The following C4orf36 variants were observed in gnomAD, a reference collection of about 807,000 sequenced individuals.
The protein encoded by C4orf36 is uncharacterized protein C4orf36.
C4orf36 carries 11 observed loss-of-function variants against 12.2 expected under a neutral mutation model. The observed-to-expected ratio is 0.90, with a 90% confidence interval of 0.57 to 1.49. The LOEUF (loss-of-function observed/expected upper bound fraction) is 1.49. Among genes scored for constraint, C4orf36 ranks in the 40% most tolerant of loss-of-function variants. The pLI is 0.00. For missense variants in C4orf36, 137 were observed against 133.9 expected, an observed-to-expected ratio of 1.02 and a Z score of -0.11; for synonymous variants, 54 against 51.3, an observed-to-expected ratio of 1.05 and a Z score of -0.22.
At chr4:86,892,470 C>T (rs553552345), upstream of C4orf36, 1 of 985,094 alleles carries the variant, frequency 1.0e-6, no homozygotes, top group East Asian at 1.1e-4. Context: ...CTTTGTGGGG[C>T]CCTCCCCACC....
the C4orf36 span, among the ~76,000 whole-genome samples, chr4:86,908,006 T>A: frequency 6.6e-6 from 1 of 151,398 alleles, no homozygotes; most frequent in Non-Finnish European, 1.5e-5. Context: ...CATCAAATAA[T>A]TTGTATAAAG....
At chr4:86,914,016 G>A in the C4orf36 span, 1 of 1,605,786 alleles carries the variant, frequency 6.2e-7, no homozygotes, top group Non-Finnish European at 8.5e-7. Flanking sequence ...ACATGATCCT[G>A]CTGCCAGCAA....
intron 4 of C4orf36, among the ~76,000 whole-genome samples, chr4:86,877,947 GAGTGAGTATA>G (rs1746966198): frequency 1.3e-5 from 2 of 152,218 alleles, no homozygotes; most frequent in African/African-American, 4.8e-5. Context: ...TGTGGAAAGT[GAGTGAGTATA>G]AGTGAGATAA....
chr4:86,913,752 C>T, the C4orf36 span: 1 of 1,501,906 alleles, frequency 6.7e-7, no homozygotes, highest in South Asian at 1.1e-5. Flanking sequence ...AGTGCCACTG[C>T]CACCTAACTC....
chr4:86,893,892 A>G (rs1050753229), upstream of C4orf36, among the ~76,000 whole-genome samples: 3 of 150,080 alleles, frequency 2.0e-5, no homozygotes, highest in Admixed American at 6.7e-5. Flanking sequence ...TTATTTATTT[A>G]TTTATTTATT....
chr4:86,876,854 T>C (rs1040692308), intron 4 of C4orf36, among the ~76,000 whole-genome samples: 1 of 152,242 alleles, frequency 6.6e-6, no homozygotes, highest in East Asian at 1.9e-4. Context: ...AACCCAGATC[T>C]ACTAAAACCT....
At chr4:86,932,558 T>A in the C4orf36 span, among the ~76,000 whole-genome samples, 1 of 152,016 alleles carries the variant, frequency 6.6e-6, no homozygotes, top group African/African-American at 2.4e-5. Context: ...CCTGCCTCTA[T>A]CTTAATGTTG....
chr4:86,895,635 G>A (rs1441162990), upstream of C4orf36, among the ~76,000 whole-genome samples: 1 of 152,182 alleles, frequency 6.6e-6, no homozygotes, highest in African/African-American at 2.4e-5. Flanking sequence ...TTTCTAGAAG[G>A]TGGATGTCCA....
the C4orf36 span, among the ~76,000 whole-genome samples, chr4:86,900,281 C>T: frequency 1.3e-5 from 2 of 152,166 alleles, no homozygotes; most frequent in African/African-American, 2.4e-5. Context: ...GATCCACCCA[C>T]CTCAGCCTCC....
chr4:86,878,314 G>A (rs769125678), intron 4 of C4orf36, among the ~76,000 whole-genome samples: 2 of 152,076 alleles, frequency 1.3e-5, no homozygotes, highest in Admixed American at 6.5e-5. Context: ...CTACTGACTC[G>A]ATATTGGAAT....
At chr4:86,917,900 G>C in the C4orf36 span, among the ~76,000 whole-genome samples, 1 of 152,280 alleles carries the variant, frequency 6.6e-6, no homozygotes, top group East Asian at 1.9e-4. Flanking sequence ...ACATAGAAAA[G>C]ATAATGTGTT....
the C4orf36 span, among the ~76,000 whole-genome samples, chr4:86,903,816 G>A: frequency 6.6e-6 from 1 of 152,116 alleles, no homozygotes; most frequent in African/African-American, 2.4e-5. Flanking sequence ...TGATTGGTGC[G>A]TTTATAAACC....
the C4orf36 span, among the ~76,000 whole-genome samples, chr4:86,907,155 C>T: frequency 0.029 from 4,470 of 152,082 alleles, 240 homozygotes; most frequent in African/African-American, 0.1. Context: ...CAAGAGTGGC[C>T]CAGAGACCAC....
At chr4:86,921,196 A>G in the C4orf36 span, among the ~76,000 whole-genome samples, 3 of 152,158 alleles carry the variant, frequency 2.0e-5, no homozygotes, top group Non-Finnish European at 2.9e-5. Flanking sequence ...TCAACATACA[A>G]ACTTTGGAGG....
chr4:86,902,418 C>CAAAAAAAAAAAAAAAA, the C4orf36 span, among the ~76,000 whole-genome samples: 3 of 58,956 alleles, frequency 5.1e-5, no homozygotes, highest in Admixed American at 4.8e-4. Context: ...ATGAGACTCT[C>CAAAAAAAAAAAAAAAA]AAAAAAAAAA....
the C4orf36 span, among the ~76,000 whole-genome samples, chr4:86,932,818 C>A: frequency 6.8e-6 from 1 of 146,780 alleles, no homozygotes; most frequent in African/African-American, 2.5e-5. Flanking sequence ...ATGTCAGAAA[C>A]ATGCTTCATC....
At chr4:86,929,944 G>T in the C4orf36 span, among the ~76,000 whole-genome samples, 2 of 152,168 alleles carry the variant, frequency 1.3e-5, no homozygotes, top group Non-Finnish European at 2.9e-5. Context: ...TAGATACATT[G>T]AATTTATTTT....
At chr4:86,885,101 C>G (rs538339730) in intron 4 of C4orf36, among the ~76,000 whole-genome samples, 2 of 152,112 alleles carry the variant, frequency 1.3e-5, no homozygotes, top group Non-Finnish European at 2.9e-5. Context: ...GTTACTGTAG[C>G]CTTGTAGTAT....
chr4:86,918,177 C>T, the C4orf36 span, among the ~76,000 whole-genome samples: 1 of 152,210 alleles, frequency 6.6e-6, no homozygotes, highest in African/African-American at 2.4e-5. Flanking sequence ...AATCATCTCC[C>T]AAAGGCCCCA....
Sources: gnomAD v4.1 joint callset for allele counts (sites outside exome capture counted in the v4.1 genomes callset) on GRCh38, gnomAD v4.1.1 for gene constraint, MANE v1.5 for transcripts, NCBI Gene and HGNC (gene_info 2026-07-23, HGNC 2026-07-21) for gene names.